The following NELL1 variants were observed in gnomAD, a reference collection of about 807,000 sequenced individuals.
The protein encoded by NELL1 is neural EGFL like 1, also known as protein kinase C-binding protein NELL1.
Under a neutral mutation model 107.4 loss-of-function variants are expected in NELL1, and 76 were observed. The observed-to-expected ratio is 0.71, with a 90% CI of 0.59 to 0.86. The LOEUF (loss-of-function observed/expected upper bound fraction) is 0.86, where lower values mean the gene tolerates loss of function less well. Among genes scored for constraint, NELL1 ranks in the 40% least tolerant of loss-of-function variants. The probability of loss-of-function intolerance (pLI) is 0.00; values close to 1 mark genes in which losing one functional copy is unlikely to be tolerated. For synonymous variants in NELL1, 353 were observed against 341.2 expected, an observed-to-expected ratio of 1.03 and a Z score of -0.38; for missense variants, 1,024 against 1,005.5, an observed-to-expected ratio of 1.02 and a Z score of -0.25.
At chr11:20,772,803 G>C (rs936093351) in intron 2 of NELL1, among the ~76,000 whole-genome samples, 1 of 152,192 alleles carries the variant, frequency 6.6e-6, no homozygotes, top group African/African-American at 2.4e-5. Flanking sequence ...GGTGCCTTAT[G>C]ATTGGCTTTA....
At chr11:20,962,800 T>G (rs1468386785) in intron 12 of NELL1, among the ~76,000 whole-genome samples, 1 of 152,166 alleles carries the variant, frequency 6.6e-6, no homozygotes, top group Non-Finnish European at 1.5e-5. Flanking sequence ...TGCGGTTGGG[T>G]AATGGCAATG....
intron 17 of NELL1, among the ~76,000 whole-genome samples, chr11:21,566,368 A>G (rs576495265): frequency 6.6e-6 from 1 of 152,018 alleles, no homozygotes; most frequent in South Asian, 2.1e-4. Flanking sequence ...ATACTGAAAT[A>G]TTACTGAAAT....
chr11:21,207,679 G>A (rs1275737808), intron 13 of NELL1, among the ~76,000 whole-genome samples: 3 of 152,138 alleles, frequency 2.0e-5, no homozygotes, highest in Non-Finnish European at 2.9e-5. Flanking sequence ...GTTCAGATCT[G>A]AGGAACAAAA....
intron 13 of NELL1, among the ~76,000 whole-genome samples, chr11:21,201,855 G>A (rs563404838): frequency 5.2e-4 from 79 of 152,146 alleles, no homozygotes; most frequent in African/African-American, 1.7e-3. Context: ...GAATTTTGTC[G>A]AAGGCCTTTT....
intron 13 of NELL1, among the ~76,000 whole-genome samples, chr11:21,193,050 A>G (rs1041028792): frequency 5.3e-5 from 8 of 151,978 alleles, no homozygotes; most frequent in Middle Eastern, 3.4e-3. Flanking sequence ...CTAATCCATA[A>G]CTTGACAGTT....
chr11:21,418,604 T>G (rs2133819002), intron 15 of NELL1, among the ~76,000 whole-genome samples: 1 of 152,250 alleles, frequency 6.6e-6, no homozygotes, highest in Non-Finnish European at 1.5e-5. Context: ...TTTATGGGTC[T>G]TTTCCTTTCA....
At chr11:21,292,034 C>T (rs1191276256) in intron 14 of NELL1, among the ~76,000 whole-genome samples, 1 of 152,186 alleles carries the variant, frequency 6.6e-6, no homozygotes, top group Non-Finnish European at 1.5e-5. Context: ...GATGCCCTCT[C>T]TCAACATTCC....
intron 2 of NELL1, among the ~76,000 whole-genome samples, chr11:20,703,814 T>G (rs1031010256): frequency 3.1e-4 from 47 of 152,330 alleles, no homozygotes; most frequent in African/African-American, 1.1e-3. Flanking sequence ...TTGAGTGGTT[T>G]TGAGTGAGTT....
chr11:21,133,905 C>T (rs1246021917), intron 13 of NELL1, among the ~76,000 whole-genome samples: 2 of 152,214 alleles, frequency 1.3e-5, no homozygotes, highest in African/African-American at 4.8e-5. Flanking sequence ...CAGAAGTGGG[C>T]AGGGCTTCTG....
chr11:21,548,669 A>T (rs1398990190), intron 16 of NELL1, among the ~76,000 whole-genome samples: 1 of 151,810 alleles, frequency 6.6e-6, no homozygotes, highest in African/African-American at 2.4e-5. Context: ...CCCAGAGCCA[A>T]ACCATATCAG....
intron 14 of NELL1, among the ~76,000 whole-genome samples, chr11:21,309,594 G>A (rs2133642942): frequency 6.6e-6 from 1 of 151,756 alleles, no homozygotes. Context: ...TATTGTATTA[G>A]TCCATTTTCA....
In NELL1 at chr11:21,284,458, CACGA is replaced by C. The variant is rs1356845727; in HGVS notation, c.1549+55006_1549+55009del. ...TGATGGCTGTGCACAAGGTCAACATCACGAAACTGGGAGATGGTCTCTTCCTCCA... is the reference window on the plus strand; with the variant it reads ...TGATGGCTGTGCACAAGGTCAACATCAACTGGGAGATGGTCTCTTCCTCCA... On this transcript the variant is annotated intron_variant, in intron 14 of 19. Coordinates refer to ENST00000357134, the MANE Select transcript of NELL1 (RefSeq NM_006157.5). The C allele has an allele frequency of 1.5e-5, 7 of 458,380 alleles. No individual in the cohort carries two copies. The East Asian group carries it at 4.9e-4, about 32-fold the overall frequency. The allele number at this position is 458,380 out of a possible 1,614,324, so 28.4% of individuals were successfully genotyped here.
At chr11:20,960,657 T>G in intron 12 of NELL1, 97 bp downstream of exon 12, 3 of 1,370,164 alleles carry the variant, frequency 2.2e-6, no homozygotes, top group Non-Finnish European at 2.0e-6. Context: ...CACTTGGCTG[T>G]GGTCCTATGC....
intron 2 of NELL1, among the ~76,000 whole-genome samples, chr11:20,734,026 C>T (rs192607516): frequency 8.1e-4 from 120 of 148,180 alleles, no homozygotes; most frequent in African/African-American, 2.8e-3. Flanking sequence ...TTAGAAAAGT[C>T]CTCAAGAAGG....
intron 14 of NELL1, among the ~76,000 whole-genome samples, chr11:21,355,915 C>T (rs1056517872): frequency 6.6e-6 from 1 of 152,144 alleles, no homozygotes; most frequent in South Asian, 2.1e-4. Context: ...ACACTTCATT[C>T]CTTGGGGCCT....
intron 12 of NELL1, among the ~76,000 whole-genome samples, chr11:21,045,890 C>T (rs1207659222): frequency 6.6e-6 from 1 of 151,968 alleles, no homozygotes; most frequent in Non-Finnish European, 1.5e-5. Flanking sequence ...TTTTATAATC[C>T]CCCCAACACA....
At chr11:21,046,376 G>A (rs1055085038) in intron 12 of NELL1, among the ~76,000 whole-genome samples, 3 of 152,064 alleles carry the variant, frequency 2.0e-5, no homozygotes, top group Non-Finnish European at 4.4e-5. Flanking sequence ...TTTTGGTATG[G>A]CTGTGTACTG....
chr11:20,688,830 C>G (rs984539661), intron 2 of NELL1, among the ~76,000 whole-genome samples: 1 of 152,162 alleles, frequency 6.6e-6, no homozygotes, highest in Non-Finnish European at 1.5e-5. Context: ...GCTTTCCAGA[C>G]TGGCTGCACT....
intron 15 of NELL1, among the ~76,000 whole-genome samples, chr11:21,383,280 G>T (rs1391301957): frequency 6.6e-6 from 1 of 151,620 alleles, no homozygotes; most frequent in Non-Finnish European, 1.5e-5. Context: ...GGTTTTTTTG[G>T]GCTAACGTGG....
Sources: gnomAD v4.1 joint callset for allele counts (sites outside exome capture counted in the v4.1 genomes callset) on GRCh38, gnomAD v4.1.1 for gene constraint, MANE v1.5 for transcripts, NCBI Gene and HGNC (gene_info 2026-07-23, HGNC 2026-07-21) for gene names.